KCNIP4: variants seen among roughly 807,000 people sequenced by gnomAD.
KCNIP4 encodes potassium voltage-gated channel interacting protein 4, also known as Kv channel-interacting protein 4.
Under a neutral mutation model 34.0 loss-of-function variants are expected in KCNIP4, and 12 were observed. The ratio of observed to expected loss-of-function variants is 0.35; its 90% CI spans 0.23 to 0.57. The LOEUF is 0.57. KCNIP4 is among the 20% of genes least tolerant of loss of function. The pLI, the probability that KCNIP4 is intolerant of heterozygous loss-of-function variation, is 0.83. For synonymous variants in KCNIP4, 124 were observed against 102.2 expected (o/e 1.21, Z -1.29); for missense variants, 238 against 311.7 (o/e 0.76, Z 1.78).
At chr4:20,851,718 G>T (rs1721041940) in intron 2 of KCNIP4, among the ~76,000 whole-genome samples, 1 of 152,030 alleles carries the variant, frequency 6.6e-6, no homozygotes, top group South Asian at 2.1e-4. Flanking sequence ...GGTATAGTTA[G>T]AAAAACATAG....
At chr4:21,406,043 C>G (rs942156049) in intron 1 of KCNIP4, among the ~76,000 whole-genome samples, 1 of 152,126 alleles carries the variant, frequency 6.6e-6, no homozygotes, top group Non-Finnish European at 1.5e-5. Flanking sequence ...CCATGTTGGT[C>G]AGGGTGGTCT....
chr4:21,613,119 T>G (rs905942770), intron 1 of KCNIP4, among the ~76,000 whole-genome samples: 11 of 152,166 alleles, frequency 7.2e-5, no homozygotes, highest in Admixed American at 5.9e-4. Flanking sequence ...ATTTCTCCCA[T>G]AATCCAGTGT....
At chr4:20,879,374 C>T (rs1724431418) in intron 2 of KCNIP4, among the ~76,000 whole-genome samples, 1 of 152,142 alleles carries the variant, frequency 6.6e-6, no homozygotes, top group Non-Finnish European at 1.5e-5. Flanking sequence ...GATCTGTCAC[C>T]TCCTGTCTTG....
At chr4:21,303,400 T>C (rs1313315868) in intron 1 of KCNIP4, among the ~76,000 whole-genome samples, 3 of 152,174 alleles carry the variant, frequency 2.0e-5, no homozygotes, top group Non-Finnish European at 2.9e-5. Context: ...ATTTGATCAA[T>C]GTATTTGCAT....
intron 1 of KCNIP4, among the ~76,000 whole-genome samples, chr4:21,489,624 T>C (rs1322926457): frequency 6.6e-6 from 1 of 152,180 alleles, no homozygotes; most frequent in Non-Finnish European, 1.5e-5. Flanking sequence ...TTCTAATTTC[T>C]GCCTGATGCA....
intron 1 of KCNIP4, among the ~76,000 whole-genome samples, chr4:21,333,978 C>T (rs1314767611): frequency 6.6e-6 from 1 of 152,112 alleles, no homozygotes; most frequent in Middle Eastern, 3.2e-3. Flanking sequence ...TGTTATTTTC[C>T]TAAGTGTGCT....
intron 1 of KCNIP4, among the ~76,000 whole-genome samples, chr4:21,431,170 T>TA (rs964721787): frequency 1.1e-4 from 17 of 149,566 alleles, no homozygotes; most frequent in South Asian, 6.3e-4. Context: ...CCAATAAATT[T>TA]AAAAAAAAAG....
Position 20,932,473 on chromosome 4 carries a change from G to C in KCNIP4, c.62-49764C>G, listed in dbSNP as rs1306889133. ...CAGTCTAATATTGTAGACTATAATA[G>C]TCTATAATAGTCTAATATTGTAGAC... On this transcript the variant is annotated intron_variant, in intron 1 of 8. Transcript: ENST00000382152. Among the ~76,000 whole-genome samples the C allele has an allele frequency of 3.1e-5, 4 of 128,666 alleles. No individual in the cohort carries two copies. The South Asian group carries it at 9.0e-4, about 29-fold the overall frequency. 84.4% of individuals were successfully genotyped at this position (128,666 alleles called of 152,430 possible).
intron 1 of KCNIP4, among the ~76,000 whole-genome samples, chr4:20,906,888 A>G (rs1240872962): frequency 6.6e-6 from 1 of 152,212 alleles, no homozygotes; most frequent in Non-Finnish European, 1.5e-5. Flanking sequence ...GAACCATTCA[A>G]TAGAGACAGA....
At chr4:21,552,745 T>C (rs909714498) in intron 1 of KCNIP4, among the ~76,000 whole-genome samples, 1 of 152,142 alleles carries the variant, frequency 6.6e-6, no homozygotes, top group African/African-American at 2.4e-5. Context: ...TGTTGGCAGA[T>C]TGACCTTTCT....
chr4:20,989,378 T>G (rs549128746), intron 1 of KCNIP4, among the ~76,000 whole-genome samples: 1 of 152,230 alleles, frequency 6.6e-6, no homozygotes, highest in Non-Finnish European at 1.5e-5. Context: ...AGAGTTGGCT[T>G]GTTTAAGGTC....
chr4:21,380,926 C>T (rs775270591), intron 1 of KCNIP4, among the ~76,000 whole-genome samples: 3 of 152,060 alleles, frequency 2.0e-5, no homozygotes, highest in Admixed American at 6.6e-5. Context: ...AAGATTGTTG[C>T]AAGGTATATG....
At chr4:20,905,581 G>A (rs1434135502) in intron 1 of KCNIP4, among the ~76,000 whole-genome samples, 6 of 139,066 alleles carry the variant, frequency 4.3e-5, no homozygotes, top group African/African-American at 1.6e-4. Flanking sequence ...GTGCAATCTC[G>A]GCTCACTGCA....
chr4:20,898,740 G>C (rs1430936147), intron 1 of KCNIP4, among the ~76,000 whole-genome samples: 1 of 152,104 alleles, frequency 6.6e-6, no homozygotes, highest in African/African-American at 2.4e-5. Context: ...AATGTTCACT[G>C]ATCTATCTAT....
intron 1 of KCNIP4, among the ~76,000 whole-genome samples, chr4:21,925,042 C>A (rs1336781321): frequency 6.6e-6 from 1 of 152,112 alleles, no homozygotes; most frequent in Non-Finnish European, 1.5e-5. Flanking sequence ...TACTTGATTT[C>A]TGTCAACTCT....
chr4:21,042,245 T>C (rs1026744755), intron 1 of KCNIP4, among the ~76,000 whole-genome samples: 1 of 152,192 alleles, frequency 6.6e-6, no homozygotes, highest in African/African-American at 2.4e-5. Flanking sequence ...CCTATGTTAA[T>C]TGCAGCACTA....
chr4:21,196,634 C>A (rs1756075876), intron 1 of KCNIP4, among the ~76,000 whole-genome samples: 1 of 152,180 alleles, frequency 6.6e-6, no homozygotes, highest in Admixed American at 6.5e-5. Context: ...CTGATATTGC[C>A]ATCAATAAAT....
rs138533902 is a variant in KCNIP4, at chr4:21,315,252, C to T, written c.62-432543G>A. The T allele has an allele frequency of 1.5e-3, 238 of 156,344 alleles. 1 individual carries two copies. Among genetic ancestry groups the T allele is most frequent in the African/African-American group, 5.6e-3 (232 of 41,666 alleles). The allele number at this position is 156,344 out of a possible 1,614,324, so 9.7% of individuals were successfully genotyped here. ...GCCACCTCTGAGACAGCAAGACCAA[C>T]TTCTCTTCCTTCTCCCTCCTCAGCC... On this transcript the variant is annotated intron_variant, in intron 1 of 8. Transcript: ENST00000382152.
chr4:21,358,231 A>T (rs1718858518), intron 1 of KCNIP4, among the ~76,000 whole-genome samples: 2 of 152,104 alleles, frequency 1.3e-5, no homozygotes, highest in African/African-American at 4.8e-5. Flanking sequence ...TGACGAGTTG[A>T]TGTGTGCAGC....
Sources: allele counts gnomAD v4.1 joint callset (sites outside exome capture counted in the v4.1 genomes callset), GRCh38; gene constraint gnomAD v4.1.1; transcripts MANE v1.5; gene names NCBI Gene and HGNC (gene_info 2026-07-23, HGNC 2026-07-21).